LRMDA: variants seen among roughly 807,000 people sequenced by gnomAD.
LRMDA encodes the protein leucine-rich melanocyte differentiation-associated protein.
Under a neutral mutation model 29.8 loss-of-function variants are expected in LRMDA, and 18 were observed. The ratio of observed to expected loss-of-function variants is 0.60; its 90% CI spans 0.42 to 0.90. The LOEUF (loss-of-function observed/expected upper bound fraction) is 0.90, where lower values mean the gene tolerates loss of function less well. LRMDA is among the 40% of genes least tolerant of loss of function. The pLI is 0.00. For missense variants in LRMDA, 273 were observed against 273.9 expected (o/e 1.00, Z 0.02); for synonymous variants, 125 against 109.4 (o/e 1.14, Z -0.89).
chr10:75,517,159 C>T (rs1206264874), intron 2 of LRMDA, among the ~76,000 whole-genome samples: 2 of 152,066 alleles, frequency 1.3e-5, no homozygotes, highest in African/African-American at 4.8e-5. Context: ...GTTCTTTTTG[C>T]TTAGGATTGT....
intron 5 of LRMDA, among the ~76,000 whole-genome samples, chr10:76,214,169 G>T (rs1851684113): frequency 6.6e-6 from 1 of 151,972 alleles, no homozygotes; most frequent in African/African-American, 2.4e-5. Context: ...TACTGTAATT[G>T]GGGTTGGGAA....
intron 2 of LRMDA, among the ~76,000 whole-genome samples, chr10:75,664,653 G>C (rs1841798161): frequency 6.6e-6 from 1 of 152,182 alleles, no homozygotes; most frequent in African/African-American, 2.4e-5. Context: ...TGGAGGAAGA[G>C]TTGGAAAAGA....
At chr10:75,726,377 G>A (rs982870577) in intron 2 of LRMDA, among the ~76,000 whole-genome samples, 42 of 152,306 alleles carry the variant, frequency 2.8e-4, no homozygotes, top group Non-Finnish European at 1.3e-4. Context: ...AATTTTGGCT[G>A]AACTGTTGCT....
At chr10:75,493,983 G>A (rs1351279672) in intron 2 of LRMDA, among the ~76,000 whole-genome samples, 1 of 151,860 alleles carries the variant, frequency 6.6e-6, no homozygotes, top group East Asian at 1.9e-4. Flanking sequence ...CAAACTCCTG[G>A]GCTCAAGTGA....
intron 2 of LRMDA, among the ~76,000 whole-genome samples, chr10:75,761,809 T>G (rs1333071853): frequency 2.3e-5 from 3 of 129,382 alleles, no homozygotes; most frequent in East Asian, 2.7e-4. Context: ...TTTTTTTTTG[T>G]TTTTTTTTTT....
At chr10:75,528,672 T>G (rs1845441443) in intron 2 of LRMDA, among the ~76,000 whole-genome samples, 1 of 152,162 alleles carries the variant, frequency 6.6e-6, no homozygotes. Flanking sequence ...AGTTCTCTAT[T>G]CTTAAATGTG....
At chr10:75,562,358 G>A (rs1006178923) in intron 2 of LRMDA, among the ~76,000 whole-genome samples, 4 of 151,812 alleles carry the variant, frequency 2.6e-5, no homozygotes, top group Non-Finnish European at 5.9e-5. Context: ...TGCAACCCCT[G>A]CCTTTTTTTG....
chr10:76,313,731 TA>T (rs1215196238), intron 5 of LRMDA, among the ~76,000 whole-genome samples: 2 of 152,228 alleles, frequency 1.3e-5, no homozygotes, highest in South Asian at 2.1e-4. Flanking sequence ...TTTTTAGTTA[TA>T]TAAATGATGT....
chr10:75,437,219 G>T (rs1422633308), intron 1 of LRMDA, among the ~76,000 whole-genome samples: 1 of 152,130 alleles, frequency 6.6e-6, no homozygotes, highest in East Asian at 1.9e-4. Context: ...CTATTTTGTG[G>T]TTCTAAAATG....
chr10:75,544,074 A>T (rs1840049783), intron 2 of LRMDA, among the ~76,000 whole-genome samples: 1 of 152,086 alleles, frequency 6.6e-6, no homozygotes, highest in Non-Finnish European at 1.5e-5. Flanking sequence ...TCAACTACAG[A>T]TTCACTTCAG....
intron 2 of LRMDA, among the ~76,000 whole-genome samples, chr10:75,933,279 C>G (rs1017538673): frequency 1.3e-4 from 20 of 152,186 alleles, no homozygotes; most frequent in Admixed American, 1.2e-3. Context: ...TCACTGGACT[C>G]TTAGTCTCTC....
At chr10:76,440,198 G>C (rs1842287260) in intron 6 of LRMDA, among the ~76,000 whole-genome samples, 1 of 152,226 alleles carries the variant, frequency 6.6e-6, no homozygotes, top group Non-Finnish European at 1.5e-5. Flanking sequence ...AGTCTGGGAA[G>C]GCCTCTGGAA....
chr10:76,124,907 C>T (rs533354715), intron 5 of LRMDA, among the ~76,000 whole-genome samples: 14 of 152,330 alleles, frequency 9.2e-5, no homozygotes, highest in African/African-American at 3.4e-4. Flanking sequence ...GCCCAGTCCC[C>T]ATCATTTTTG....
chr10:75,684,220 C>T (rs1433190455), intron 2 of LRMDA, among the ~76,000 whole-genome samples: 1 of 152,218 alleles, frequency 6.6e-6, no homozygotes, highest in African/African-American at 2.4e-5. Flanking sequence ...AATAGATTCA[C>T]ATGAGGGTCC....
chr10:75,839,788 A>G (rs1334979386), intron 2 of LRMDA, among the ~76,000 whole-genome samples: 1 of 144,050 alleles, frequency 6.9e-6, no homozygotes, highest in Non-Finnish European at 1.5e-5. Context: ...GGCTCACTGC[A>G]AGCTCTTCCT....
intron 5 of LRMDA, among the ~76,000 whole-genome samples, chr10:76,298,699 C>T (rs751994619): frequency 2.0e-5 from 3 of 152,300 alleles, no homozygotes; most frequent in South Asian, 2.1e-4. Flanking sequence ...GTTAAAGGAA[C>T]AACATGGGCT....
chr10:76,225,716 A>ATTTATTTG (rs1462077269), intron 5 of LRMDA, among the ~76,000 whole-genome samples: 2 of 147,666 alleles, frequency 1.4e-5, no homozygotes, highest in Non-Finnish European at 3.0e-5. Context: ...TTATTTATTT[A>ATTTATTTG]TTTATTATTA....
chr10:76,554,870 G>GGTGTGTGTGTGT (rs72203665), intron 6 of LRMDA, among the ~76,000 whole-genome samples: 1 of 150,510 alleles, frequency 6.6e-6, no homozygotes, highest in African/African-American at 2.5e-5. Flanking sequence ...CATGGTGGGT[G>GGTGTGTGTGTGT]GTGTGTGTGT....
At chr10:75,727,385 T>C (rs1842643622) in intron 2 of LRMDA, among the ~76,000 whole-genome samples, 1 of 152,214 alleles carries the variant, frequency 6.6e-6, no homozygotes, top group African/African-American at 2.4e-5. Context: ...CAACAGCCTT[T>C]AAGTTAGAAA....
Sources: gnomAD v4.1 joint callset for allele counts (sites outside exome capture counted in the v4.1 genomes callset) on GRCh38, gnomAD v4.1.1 for gene constraint, MANE v1.5 for transcripts, NCBI Gene and HGNC (gene_info 2026-07-23, HGNC 2026-07-21) for gene names.